Variants in GREB1L observed in about 807,000 individuals in gnomAD.
GREB1L encodes GREB1-like protein.
Under a neutral mutation model 200.8 loss-of-function variants are expected in GREB1L, and 17 were observed. The ratio of observed to expected loss-of-function variants is 0.08; its 90% CI spans 0.06 to 0.13. The LOEUF (loss-of-function observed/expected upper bound fraction) is 0.13, where lower values mean the gene tolerates loss of function less well. Among genes scored for constraint, GREB1L ranks in the 10% least tolerant of loss-of-function variants. GREB1L has a pLI of 1.00. For synonymous variants in GREB1L, 789 were observed against 893.0 expected, an observed-to-expected ratio of 0.88 and a Z score of 2.08; for missense variants, 1,657 against 2,367.7, an observed-to-expected ratio of 0.70 and a Z score of 6.23.
At chr18:21,440,963 A>G (rs1237552818) in intron 9 of GREB1L, among the ~76,000 whole-genome samples, 1 of 152,246 alleles carries the variant, frequency 6.6e-6, no homozygotes, top group Non-Finnish European at 1.5e-5. Flanking sequence ...TAGACATCTT[A>G]TATACACAAA....
At chr18:21,462,756 A>G (rs2035099544) in intron 15 of GREB1L, among the ~76,000 whole-genome samples, 1 of 152,092 alleles carries the variant, frequency 6.6e-6, no homozygotes, top group African/African-American at 2.4e-5. Flanking sequence ...GGCCTAATGA[A>G]AAAGTTCATC....
chr18:21,439,161 A>C (rs936730404), intron 7 of GREB1L, among the ~76,000 whole-genome samples: 2 of 151,914 alleles, frequency 1.3e-5, no homozygotes, highest in African/African-American at 4.8e-5. Context: ...GGGTATGTAG[A>C]TGTTTATTAT....
chr18:21,406,587 A>G (rs2030262990), intron 7 of GREB1L, among the ~76,000 whole-genome samples: 1 of 152,246 alleles, frequency 6.6e-6, no homozygotes, highest in Non-Finnish European at 1.5e-5. Flanking sequence ...TGGCATTATG[A>G]TACCATTGCA....
intron 1 of GREB1L, among the ~76,000 whole-genome samples, chr18:21,245,732 G>GTTTTA (rs556202689): frequency 3.3e-4 from 50 of 151,106 alleles, no homozygotes; most frequent in African/African-American, 1.2e-3. Context: ...GTTTTGTTTT[G>GTTTTA]TTTGAGACGA....
intron 7 of GREB1L, among the ~76,000 whole-genome samples, chr18:21,413,688 G>A (rs902388485): frequency 3.3e-5 from 5 of 152,122 alleles, no homozygotes; most frequent in African/African-American, 1.2e-4. Flanking sequence ...AATATTTGAT[G>A]AACTCATGGA....
At chr18:21,436,360 A>G (rs561789218) in intron 7 of GREB1L, among the ~76,000 whole-genome samples, 12 of 152,328 alleles carry the variant, frequency 7.9e-5, no homozygotes, top group African/African-American at 2.6e-4. Flanking sequence ...GGCTTCATCC[A>G]GGCACAGTGA....
chr18:21,455,709 C>T (rs2034729922), intron 15 of GREB1L, among the ~76,000 whole-genome samples: 1 of 151,174 alleles, frequency 6.6e-6, no homozygotes, highest in Admixed American at 6.6e-5. Context: ...AAGAATTTTA[C>T]TTTCAATATA....
At position 21,321,752 on chromosome 18, in the gene GREB1L, G is replaced by A. The variant is rs1358399552; in HGVS notation, c.-119-44275G>A. ...AGTAGGGCTTCTGCTAGCAGTTCTA[G>A]AATTGTTCAAATAATTTGTGCATTA... On this transcript the variant is annotated intron_variant, in intron 1 of 32. Coordinates refer to ENST00000424526, the MANE Select transcript of GREB1L (RefSeq NM_001142966.3). 2.6e-5 allele frequency among the ~76,000 whole-genome samples: 4 copies of A among 152,210 alleles called. No homozygotes were observed. In the East Asian group the frequency reaches 7.7e-4, roughly 29 times the overall value.
chr18:21,360,041 T>C (rs1457220892), intron 1 of GREB1L, among the ~76,000 whole-genome samples: 1 of 152,160 alleles, frequency 6.6e-6, no homozygotes, highest in Non-Finnish European at 1.5e-5. Flanking sequence ...TATAAGGATG[T>C]TTGTGGTGTA....
At chr18:21,329,941 T>C (rs1270094133) in intron 1 of GREB1L, among the ~76,000 whole-genome samples, 3 of 137,492 alleles carry the variant, frequency 2.2e-5, no homozygotes, top group African/African-American at 7.9e-5. Flanking sequence ...TTCTTGGCAC[T>C]CCTCTTTACC....
At chr18:21,516,838 A>T in intron 30 of GREB1L, 84 bp downstream of exon 30, 1 of 1,215,656 alleles carries the variant, frequency 8.2e-7, no homozygotes. Context: ...GGCATTAAGC[A>T]CTTTCTATTT....
chr18:21,414,883 A>T (rs1431836615), intron 7 of GREB1L, among the ~76,000 whole-genome samples: 1 of 152,208 alleles, frequency 6.6e-6, no homozygotes, highest in Non-Finnish European at 1.5e-5. Flanking sequence ...CATTAAAAAA[A>T]TTTTAAATAC....
chr18:21,322,122 A>C (rs2038960158), intron 1 of GREB1L, among the ~76,000 whole-genome samples: 1 of 152,264 alleles, frequency 6.6e-6, no homozygotes, highest in South Asian at 2.1e-4. Flanking sequence ...TATTATAAGC[A>C]GAATTCAGAA....
intron 7 of GREB1L, among the ~76,000 whole-genome samples, chr18:21,409,475 G>A (rs867685171): frequency 6.6e-6 from 1 of 152,136 alleles, no homozygotes; most frequent in East Asian, 1.9e-4. Context: ...ACTTGGTAAG[G>A]CTACTAAAAA....
intron 19 of GREB1L, among the ~76,000 whole-genome samples, chr18:21,492,837 G>C (rs1598922383): frequency 6.6e-6 from 1 of 152,206 alleles, no homozygotes; most frequent in Non-Finnish European, 1.5e-5. Flanking sequence ...TGTAGTCCCA[G>C]CTACTTGGGA....
intron 1 of GREB1L, among the ~76,000 whole-genome samples, chr18:21,293,388 G>A (rs2038479873): frequency 6.6e-6 from 1 of 152,048 alleles, no homozygotes; most frequent in Non-Finnish European, 1.5e-5. Flanking sequence ...TCTCTTTAAT[G>A]GGAACAATCA....
chr18:21,452,223 G>A lies in GREB1L; in HGVS notation c.1984+6G>A, dbSNP rs1439167047. 2 of 1,550,804 alleles carry A rather than the reference G, an allele frequency of 1.3e-6. No homozygotes were observed. Among genetic ancestry groups the A allele is most frequent in the Non-Finnish European group, 1.7e-6 (2 of 1,146,720 alleles). ...GATTCCCACACAAAACCTGGGTAAT[G>A]TCATCTCAGACCAAGAGGAGGAAGT... On this transcript the variant is annotated splice_donor_region_variant and intron_variant, in intron 14 of 32. Coordinates refer to ENST00000424526, the MANE Select transcript of GREB1L (RefSeq NM_001142966.3).
intron 21 of GREB1L, among the ~76,000 whole-genome samples, chr18:21,497,855 C>T (rs529994769): frequency 9.4e-6 from 1 of 106,464 alleles, no homozygotes; most frequent in Non-Finnish European, 1.7e-5. Flanking sequence ...GAGTTTCGCT[C>T]TTGTCCCCCA....
intron 16 of GREB1L, among the ~76,000 whole-genome samples, chr18:21,475,336 AAGAGAGTATCATATTTACTGG>A (rs1175092286): frequency 6.8e-6 from 1 of 146,254 alleles, no homozygotes; most frequent in Non-Finnish European, 1.5e-5. Context: ...CAGTTTAAAC[AAGAGAGTATCATATTTACTGG>A]ATGAACTTAT....
Sources: gnomAD v4.1 joint callset for allele counts (sites outside exome capture counted in the v4.1 genomes callset) on GRCh38, gnomAD v4.1.1 for gene constraint, MANE v1.5 for transcripts, NCBI Gene and HGNC (gene_info 2026-07-23, HGNC 2026-07-21) for gene names.